Variants in CNTN5 observed in about 807,000 individuals in gnomAD.
CNTN5 encodes contactin 5, also known as contactin-5.
A neutral mutation model predicts 129.1 loss-of-function variants in CNTN5; 77 were observed. That is an observed-to-expected ratio of 0.60 (90% CI 0.50 to 0.72). CNTN5 has a LOEUF of 0.72. Among genes scored for constraint, CNTN5 ranks in the 30% least tolerant of loss-of-function variants. The probability of loss-of-function intolerance (pLI) is 0.00; values close to 1 mark genes in which losing one functional copy is unlikely to be tolerated. For missense variants in CNTN5, 1,478 were observed against 1,328.8 expected (o/e 1.11, Z -1.75); for synonymous variants, 509 against 465.6 (o/e 1.09, Z -1.20).
At chr11:100,066,218 T>C (rs930944710) in intron 10 of CNTN5, among the ~76,000 whole-genome samples, 1 of 152,114 alleles carries the variant, frequency 6.6e-6, no homozygotes, top group Non-Finnish European at 1.5e-5. Context: ...AAATAACTCA[T>C]TCTCAGCGAC....
intron 1 of CNTN5, among the ~76,000 whole-genome samples, chr11:99,234,702 T>C (rs2135738974): frequency 6.6e-6 from 1 of 152,098 alleles, no homozygotes; most frequent in Non-Finnish European, 1.5e-5. Flanking sequence ...CTAATGTAGA[T>C]ATTTATTTAA....
At chr11:99,859,862 C>A (rs115791770) in intron 6 of CNTN5, among the ~76,000 whole-genome samples, 2,297 of 152,186 alleles carry the variant, frequency 0.015, 53 homozygotes, top group African/African-American at 0.051. Flanking sequence ...TGGTTATATA[C>A]CCAGTAATGA....
At chr11:100,161,178 T>G (rs1211508721) in intron 13 of CNTN5, among the ~76,000 whole-genome samples, 1 of 151,924 alleles carries the variant, frequency 6.6e-6, no homozygotes, top group African/African-American at 2.4e-5. Flanking sequence ...ACAATTTTCT[T>G]TACTGAAGTT....
chr11:100,024,909 G>A (rs1724521814), intron 9 of CNTN5, among the ~76,000 whole-genome samples: 1 of 152,190 alleles, frequency 6.6e-6, no homozygotes, highest in Non-Finnish European at 1.5e-5. Flanking sequence ...GAACCTAAAA[G>A]TTTGGAAAAT....
At chr11:99,333,989 C>G (rs1197258819) in intron 2 of CNTN5, among the ~76,000 whole-genome samples, 3 of 151,850 alleles carry the variant, frequency 2.0e-5, no homozygotes, top group Non-Finnish European at 4.4e-5. Flanking sequence ...CACACACACA[C>G]ACACACACAG....
At chr11:99,506,307 T>C (rs1946616141) in intron 2 of CNTN5, among the ~76,000 whole-genome samples, 1 of 152,202 alleles carries the variant, frequency 6.6e-6, no homozygotes, top group Non-Finnish European at 1.5e-5. Flanking sequence ...GAAAAAAATG[T>C]TCTCTCTTTT....
At chr11:100,289,475 A>G (rs1950896989) in intron 18 of CNTN5, among the ~76,000 whole-genome samples, 1 of 151,754 alleles carries the variant, frequency 6.6e-6, no homozygotes, top group African/African-American at 2.4e-5. Context: ...CAATAAATGT[A>G]ATCCAGCATA....
intron 7 of CNTN5, among the ~76,000 whole-genome samples, chr11:99,933,337 ATTAG>A (rs1459434746): frequency 1.3e-5 from 2 of 152,110 alleles, no homozygotes; most frequent in East Asian, 3.9e-4. Context: ...ATCATTTTTA[ATTAG>A]TTTTATTGAG....
At chr11:99,489,502 T>C (rs1397331056) in intron 2 of CNTN5, among the ~76,000 whole-genome samples, 2 of 152,224 alleles carry the variant, frequency 1.3e-5, no homozygotes, top group Non-Finnish European at 2.9e-5. Context: ...TTCTCTCTAG[T>C]GGTTCCTGGC....
At chr11:100,233,357 C>G (rs1949535626) in intron 16 of CNTN5, among the ~76,000 whole-genome samples, 1 of 152,122 alleles carries the variant, frequency 6.6e-6, no homozygotes, top group African/African-American at 2.4e-5. Context: ...GCCTAGGAGT[C>G]AGAGAATTTC....
intron 13 of CNTN5, among the ~76,000 whole-genome samples, chr11:100,144,738 T>C (rs1003537527): frequency 5.3e-5 from 8 of 151,734 alleles, no homozygotes; most frequent in African/African-American, 1.9e-4. Flanking sequence ...GTGAGGAATT[T>C]TTTTTTTTTT....
chr11:100,269,167 T>A (rs892762412), intron 17 of CNTN5, among the ~76,000 whole-genome samples: 2 of 152,194 alleles, frequency 1.3e-5, no homozygotes, highest in African/African-American at 4.8e-5. Context: ...TTTCAAAGGA[T>A]GATCAACTGT....
chr11:99,711,275 T>C (rs1565450709), intron 3 of CNTN5, among the ~76,000 whole-genome samples: 1 of 151,956 alleles, frequency 6.6e-6, no homozygotes, highest in East Asian at 1.9e-4. Context: ...ATTTCTGTAG[T>C]ATATTCTTTT....
intron 1 of CNTN5, among the ~76,000 whole-genome samples, chr11:99,291,421 T>G (rs1864166070): frequency 6.6e-6 from 1 of 151,872 alleles, no homozygotes; most frequent in African/African-American, 2.4e-5. Context: ...AAACAGCATT[T>G]GCTATGCTGT....
chr11:99,902,247 T>G (rs1323947004), intron 6 of CNTN5, among the ~76,000 whole-genome samples: 1 of 151,978 alleles, frequency 6.6e-6, no homozygotes, highest in African/African-American at 2.4e-5. Context: ...AAGGAGTTTT[T>G]TTTTTTTTTT....
At chr11:99,805,358 C>T (rs888111691) in intron 3 of CNTN5, among the ~76,000 whole-genome samples, 2 of 152,082 alleles carry the variant, frequency 1.3e-5, no homozygotes, top group Non-Finnish European at 2.9e-5. Flanking sequence ...TAAAAAAGCC[C>T]GAAGGTCAGA....
In CNTN5 at chr11:99,774,038, T is replaced by A. The variant is rs145293846; in HGVS notation, c.56-45506T>A. On this transcript the variant is annotated intron_variant, in intron 3 of 24. Coordinates refer to ENST00000524871, the MANE Select transcript of CNTN5 (RefSeq NM_014361.4). ...AACCCCACTCTGATTCTTCCTTCTC[T>A]TAGTCTTTATGGACTGTGATCACCA... Among the ~76,000 whole-genome samples the A allele has an allele frequency of 3.1e-3, 469 of 152,244 alleles. 4 individuals carry two copies. Among genetic ancestry groups the A allele is most frequent in the African/African-American group, 0.011 (452 of 41,544 alleles).
intron 3 of CNTN5, among the ~76,000 whole-genome samples, chr11:99,652,888 T>G (rs927859311): frequency 6.6e-6 from 1 of 151,910 alleles, no homozygotes; most frequent in Non-Finnish European, 1.5e-5. Context: ...CCCCCAAGGG[T>G]TTCAGATAAG....
intron 3 of CNTN5, among the ~76,000 whole-genome samples, chr11:99,574,806 G>A (rs1949291981): frequency 2.0e-5 from 3 of 151,986 alleles, no homozygotes. Flanking sequence ...GTAGATTCTG[G>A]ATATTAGAAC....
Sources: allele counts gnomAD v4.1 joint callset (sites outside exome capture counted in the v4.1 genomes callset), GRCh38; gene constraint gnomAD v4.1.1; transcripts MANE v1.5; gene names NCBI Gene and HGNC (gene_info 2026-07-23, HGNC 2026-07-21).